AGBL1: variants seen among roughly 807,000 people sequenced by gnomAD.
AGBL1 encodes the protein cytosolic carboxypeptidase 4.
A neutral mutation model predicts 118.9 loss-of-function variants in AGBL1; 130 were observed. That is an observed-to-expected ratio of 1.09 (90% CI 0.95 to 1.26). The LOEUF is 1.26. Among genes scored for constraint, AGBL1 ranks in the 50% most tolerant of loss-of-function variants. The probability of loss-of-function intolerance (pLI) is 0.00; values close to 1 mark genes in which losing one functional copy is unlikely to be tolerated. For synonymous variants in AGBL1, 555 were observed against 478.9 expected (o/e 1.16, Z -2.08); for missense variants, 1,584 against 1,298.1 (o/e 1.22, Z -3.38).
intron 5 of AGBL1, among the ~76,000 whole-genome samples, chr15:86,219,970 T>TTTTA (rs1555450415): frequency 1.4e-5 from 2 of 145,830 alleles, no homozygotes; most frequent in Non-Finnish European, 3.0e-5. Context: ...TTTTTTTTTT[T>TTTTA]AGATGGAGTT....
chr15:86,174,518 G>T (rs185519947), intron 5 of AGBL1, among the ~76,000 whole-genome samples: 204 of 152,244 alleles, frequency 1.3e-3, no homozygotes, highest in African/African-American at 4.6e-3. Flanking sequence ...GGGCATTGTT[G>T]TCTTGTTCCA....
chr15:86,644,432 A>G (rs1312769636), intron 21 of AGBL1, among the ~76,000 whole-genome samples: 1 of 152,156 alleles, frequency 6.6e-6, no homozygotes, highest in Non-Finnish European at 1.5e-5. Flanking sequence ...ATCAGCACCT[A>G]AGTCAGGACT....
At chr15:86,587,147 C>T (rs1444717306) in intron 21 of AGBL1, among the ~76,000 whole-genome samples, 2 of 152,192 alleles carry the variant, frequency 1.3e-5, no homozygotes, top group African/African-American at 4.8e-5. Context: ...TCTTAGCTTA[C>T]TCCCACCATG....
intron 21 of AGBL1, among the ~76,000 whole-genome samples, chr15:86,573,791 C>T (rs1015438402): frequency 3.9e-5 from 6 of 152,024 alleles, no homozygotes; most frequent in Admixed American, 1.3e-4. Context: ...CAGACAGAAT[C>T]GGAAAGATAC....
intron 22 of AGBL1, among the ~76,000 whole-genome samples, chr15:86,786,398 C>G (rs1236019049): frequency 6.6e-6 from 1 of 151,914 alleles, no homozygotes; most frequent in Non-Finnish European, 1.5e-5. Context: ...CAGGATATGG[C>G]TTGTGCAGTC....
At chr15:86,249,215 A>G (rs918440431) in intron 7 of AGBL1, among the ~76,000 whole-genome samples, 1 of 152,058 alleles carries the variant, frequency 6.6e-6, no homozygotes, top group Non-Finnish European at 1.5e-5. Flanking sequence ...TTGCACACAC[A>G]TTATGTTCCT....
intron 24 of AGBL1, among the ~76,000 whole-genome samples, chr15:87,007,225 T>C (rs927375608): frequency 6.6e-6 from 1 of 152,090 alleles, no homozygotes; most frequent in Non-Finnish European, 1.5e-5. Flanking sequence ...AAGACCAGGT[T>C]CTTACGCTAG....
chr15:86,428,108 T>A (rs1222277967), intron 18 of AGBL1, among the ~76,000 whole-genome samples: 1 of 152,304 alleles, frequency 6.6e-6, no homozygotes, highest in Admixed American at 6.5e-5. Flanking sequence ...TCAATTTAAT[T>A]AGTATTTAAA....
chr15:86,292,695 G>A (rs1364514734), intron 16 of AGBL1, among the ~76,000 whole-genome samples: 2 of 152,146 alleles, frequency 1.3e-5, no homozygotes, highest in Admixed American at 1.3e-4. Context: ...TTAGGGTTGG[G>A]TAAGGATCAC....
intron 23 of AGBL1, among the ~76,000 whole-genome samples, chr15:86,959,362 A>G (rs2080967503): frequency 6.6e-6 from 1 of 152,122 alleles, no homozygotes; most frequent in Admixed American, 6.6e-5. Context: ...TAAGAACCCA[A>G]ATGCATGCCT....
downstream of AGBL1, among the ~76,000 whole-genome samples, chr15:86,920,991 T>C (rs949529712): frequency 1.3e-5 from 2 of 152,044 alleles, no homozygotes; most frequent in African/African-American, 4.8e-5. Context: ...ATTTTCAGAG[T>C]GCCAAGCAAG....
chr15:86,632,043 T>C (rs954254128), intron 21 of AGBL1, among the ~76,000 whole-genome samples: 3 of 148,244 alleles, frequency 2.0e-5, no homozygotes, highest in African/African-American at 7.5e-5. Flanking sequence ...TTTTTTTTTT[T>C]AAAGTTAACC....
chr15:86,845,913 T>C (rs557968484), intron 22 of AGBL1, among the ~76,000 whole-genome samples: 24 of 152,292 alleles, frequency 1.6e-4, no homozygotes, highest in African/African-American at 5.1e-4. Context: ...TATGACTCTA[T>C]TGTGTGACAC....
At position 86,397,535 on chromosome 15, in the gene AGBL1, C is replaced by A. The variant is rs761060940; in HGVS notation, c.2544C>A (p.Val848=). ...KIIPMLNPDG[V]INGNHRCSLS... ...TACCCATGCTCAACCCAGATGGTGT[C>A]ATCAACGGCAAGTATGTCAGGCACC... is the stretch of plus-strand genomic sequence containing the variant. The change falls in exon 18 of 23, where the codon GTC becomes GTA. Residue 848 remains valine (V), a synonymous_variant. Coordinates refer to ENST00000614907, the MANE Select transcript of AGBL1 (RefSeq NM_001386094.1). 2 of 1,607,370 alleles carry A rather than the reference C, an allele frequency of 1.2e-6. No homozygotes were observed. The highest frequency in any genetic ancestry group is 1.7e-5 in the Admixed American group (1 of 59,330).
intron 22 of AGBL1, among the ~76,000 whole-genome samples, chr15:86,732,113 C>T (rs1156559920): frequency 6.6e-6 from 1 of 152,154 alleles, no homozygotes; most frequent in Non-Finnish European, 1.5e-5. Context: ...TTGCCTTGCA[C>T]AAGAATTTGC....
At chr15:86,793,716 G>A (rs568629940) in intron 22 of AGBL1, among the ~76,000 whole-genome samples, 7 of 152,206 alleles carry the variant, frequency 4.6e-5, no homozygotes, top group African/African-American at 7.2e-5. Flanking sequence ...CAAATCATAC[G>A]TCTGATAACG....
At chr15:86,219,945 CTTTTTTT>C (rs68023928) in intron 5 of AGBL1, among the ~76,000 whole-genome samples, 4 of 85,778 alleles carry the variant, frequency 4.7e-5, no homozygotes, top group African/African-American at 1.3e-4. Flanking sequence ...AATGCTGCCT[CTTTTTTT>C]TTTTTTTTTT....
In AGBL1 at chr15:86,853,650, G is replaced by A. The variant is rs79914046; in HGVS notation, c.3159-53437G>A. Among the ~76,000 whole-genome samples, 1,136 of 152,202 alleles carry A rather than the reference G, an allele frequency of 7.5e-3. 9 individuals are homozygous for A. The highest frequency in any genetic ancestry group is 0.017 in the African/African-American group (711 of 41,518). On this transcript the variant is annotated intron_variant, in intron 22 of 22. Transcript: ENST00000614907. ...TGTATTGAAATACAATTTACATACC[G>A]TAACACTCAACTTTTTAAAGCATGT...
intron 15 of AGBL1, among the ~76,000 whole-genome samples, chr15:86,276,452 A>G (rs1328012763): frequency 1.3e-5 from 2 of 152,216 alleles, no homozygotes; most frequent in African/African-American, 4.8e-5. Context: ...AAAGGATGTC[A>G]TTAGAATTGG....
Sources: gnomAD v4.1 joint callset for allele counts (sites outside exome capture counted in the v4.1 genomes callset) on GRCh38, gnomAD v4.1.1 for gene constraint, MANE v1.5 for transcripts, NCBI Gene and HGNC (gene_info 2026-07-23, HGNC 2026-07-21) for gene names.